The following DYSF variants were observed in gnomAD, a reference collection of about 807,000 sequenced individuals.
The protein encoded by DYSF is dystrophy-associated fer-1-like 1.
Under a neutral mutation model 274.9 loss-of-function variants are expected in DYSF, and 212 were observed. That is an observed-to-expected ratio of 0.77 (90% CI 0.69 to 0.86). The LOEUF is 0.86. Ranked by LOEUF, DYSF falls within the 40% of genes least tolerant of loss-of-function variation. The pLI is 0.00. For synonymous variants in DYSF, 1,091 were observed against 1,078.7 expected (o/e 1.01, Z -0.22); for missense variants, 2,666 against 2,783.2 (o/e 0.96, Z 0.95).
chr2:71,564,315 C>A (rs2091958724), intron 24 of DYSF, 102 bp downstream of exon 24: 2 of 1,515,466 alleles, frequency 1.3e-6, no homozygotes, highest in East Asian at 4.5e-5. Flanking sequence ...TATCTTAGTT[C>A]TTAGGCTGTG....
chr2:71,680,046 T>A (rs146923594), intron 53 of DYSF, among the ~76,000 whole-genome samples: 1 of 152,232 alleles, frequency 6.6e-6, no homozygotes, highest in African/African-American at 2.4e-5. Flanking sequence ...CATCTATACA[T>A]ATCTATGAGA....
chr2:71,516,155 G>A lies in DYSF; in HGVS notation c.889-25G>A, dbSNP rs377156563. ...CTGAGGGATCAGCAGGCACTGATATGTCTCTCTTTGCTCTGAACCAACAGA... is the reference window on the plus strand; with the variant it reads ...CTGAGGGATCAGCAGGCACTGATATATCTCTCTTTGCTCTGAACCAACAGA... On this transcript the variant is annotated intron_variant, in intron 8 of 55. Transcript: ENST00000410020. 1.9e-5 allele frequency: 31 copies of A among 1,613,618 alleles called. No individual in the cohort carries two copies. The African/African-American group carries it at 3.1e-4, about 16-fold the overall frequency.
At chr2:71,662,718 T>C (rs545472460) in intron 45 of DYSF, among the ~76,000 whole-genome samples, 14 of 150,062 alleles carry the variant, frequency 9.3e-5, no homozygotes, top group Non-Finnish European at 1.6e-4. Context: ...TGTATGTATG[T>C]GTGTGTATGT....
Position 71,615,758 on chromosome 2 carries a change from C to T in DYSF, c.4464+2348C>T, listed in dbSNP as rs1204569378. On this transcript the variant is annotated intron_variant, in intron 40 of 55. Coordinates refer to ENST00000410020, the MANE Select transcript of DYSF (RefSeq NM_001130987.2). This position sits in a 1 kb window ranked among gnomAD's most constrained non-coding sequence, Gnocchi z 4.9. ...TGGGCTTTCTTCCTCTCCCTCCTTCCCCAGTGCAGATAGCATGAAGGGCCC... is the reference window on the plus strand; with the variant it reads ...TGGGCTTTCTTCCTCTCCCTCCTTCTCCAGTGCAGATAGCATGAAGGGCCC... Among the ~76,000 whole-genome samples the T allele has an allele frequency of 6.6e-6, 1 of 152,182 alleles. No individual in the cohort carries two copies. The highest frequency in any genetic ancestry group is 1.5e-5 in the Non-Finnish European group (1 of 68,020).
intron 21 of DYSF, among the ~76,000 whole-genome samples, chr2:71,555,545 C>T (rs554639340): frequency 6.6e-6 from 1 of 152,086 alleles, no homozygotes; most frequent in Non-Finnish European, 1.5e-5. Flanking sequence ...GGAGGGCGCT[C>T]TTAGTCTGAG....
At chr2:71,524,827 T>C (rs2087679103) in intron 12 of DYSF, among the ~76,000 whole-genome samples, 1 of 152,202 alleles carries the variant, frequency 6.6e-6, no homozygotes, top group Non-Finnish European at 1.5e-5. Context: ...CACCTCAGTA[T>C]AGTTACAAGC....
rs773837400 is a variant in DYSF at position 71,511,865 on chromosome 2, C to T, written c.404C>T (p.Pro135Leu). The T allele has an allele frequency of 1.0e-5, 16 of 1,551,696 alleles. No individual in the cohort carries two copies. Among genetic ancestry groups the T allele is most frequent in the African/African-American group, 6.8e-5 (5 of 73,178 alleles). ...TPLPGAVPLF[P>L]PPTPLEPSPT... is the part of the protein sequence containing the mutation. Reference sequence around the variant, plus strand: ...CTGCCTGGAGCTGTGCCCCTGTTCCCGCCCCCTACTCCTCTGGAGCCCTCC... The same window carrying T: ...CTGCCTGGAGCTGTGCCCCTGTTCCTGCCCCCTACTCCTCTGGAGCCCTCC... The change falls in exon 5 of 56, where the codon CCG (proline) becomes CTG (leucine). Residue 135 changes from proline to leucine, a missense_variant. Pro to Leu is a moderately conservative substitution (Grantham distance 98). Around this residue, in one of 3 missense-constraint regions of DYSF, gnomAD observed 794 missense variants for 777.1 expected, o/e 1.02. Transcript: ENST00000410020.
chr2:71,488,447 C>T (rs2083534201), intron 3 of DYSF, among the ~76,000 whole-genome samples: 1 of 152,152 alleles, frequency 6.6e-6, no homozygotes, highest in Non-Finnish European at 1.5e-5. Context: ...ACCTTGACTG[C>T]AGTGATTCAC....
rs140484857 is a variant in DYSF, at chr2:71,585,773, G to A, written c.3403-3820G>A. Among the ~76,000 whole-genome samples the A allele has an allele frequency of 4.2e-3, 645 of 152,248 alleles. 5 individuals carry two copies. The highest frequency in any genetic ancestry group is 0.014 in the African/African-American group (586 of 41,548). On this transcript the variant is annotated intron_variant, in intron 30 of 55. Coordinates refer to ENST00000410020, the MANE Select transcript of DYSF (RefSeq NM_001130987.2). ...GTGCTCTGCTGGGTGATGGGTGCAC[G>A]CTGGGCACCTGGCTGGGCTCTCAGT...
At chr2:71,631,419 A>C (rs188029542) in intron 41 of DYSF, among the ~76,000 whole-genome samples, 1 of 152,264 alleles carries the variant, frequency 6.6e-6, no homozygotes, top group Non-Finnish European at 1.5e-5. Flanking sequence ...AAGTAACTGT[A>C]CTTCTTTAAA....
chr2:71,645,687 G>A (rs1284873095), intron 42 of DYSF, among the ~76,000 whole-genome samples: 5 of 151,964 alleles, frequency 3.3e-5, no homozygotes, highest in African/African-American at 7.2e-5. Flanking sequence ...CAGGGACACC[G>A]TCCTCCTCTA....
chr2:71,612,617 G>A, intron 38 of DYSF, 24 bp from the exon 39 acceptor site: 3 of 1,612,988 alleles, frequency 1.9e-6, no homozygotes, highest in Middle Eastern at 1.7e-4. Flanking sequence ...ATTCAGGCCA[G>A]TGCGTTCTTC....
At chr2:71,611,065 C>A in intron 36 of DYSF, 180 bp from the exon 37 acceptor site, 1 of 653,044 alleles carries the variant, frequency 1.5e-6, no homozygotes, top group Non-Finnish European at 2.8e-6. Flanking sequence ...GAAGATGATG[C>A]CTGGCCGAAA....
Position 71,575,941 on chromosome 2 carries a change from C to T in DYSF, c.3402+1570C>T, listed in dbSNP as rs138412442. On this transcript the variant is annotated intron_variant, in intron 30 of 55. Coordinates refer to ENST00000410020, the MANE Select transcript of DYSF (RefSeq NM_001130987.2). ...GTGGTAGCAAAGATGCTGCTGGTGACGAAAGGCCAACATCATCCCTCCAGC... is the reference window on the plus strand; with the variant it reads ...GTGGTAGCAAAGATGCTGCTGGTGATGAAAGGCCAACATCATCCCTCCAGC... Among the ~76,000 whole-genome samples, 388 of 152,310 alleles carry T rather than the reference C, an allele frequency of 2.5e-3. 5 individuals are homozygous for T. The highest frequency in any genetic ancestry group is 0.016 in the East Asian group (83 of 5,178).
intron 3 of DYSF, among the ~76,000 whole-genome samples, chr2:71,494,260 G>A (rs1417519031): frequency 1.3e-5 from 2 of 152,128 alleles, no homozygotes; most frequent in African/African-American, 4.8e-5. Context: ...GCTTGGATTA[G>A]GTTACTCATC....
chr2:71,534,922 C>A, intron 14 of DYSF, 99 bp from the exon 15 acceptor site: 2 of 1,322,716 alleles, frequency 1.5e-6, no homozygotes, highest in African/African-American at 1.4e-5. Context: ...TAAGGGCAGC[C>A]AGCATGGCAG....
intron 24 of DYSF, among the ~76,000 whole-genome samples, chr2:71,566,590 G>A (rs938812593): frequency 6.6e-6 from 1 of 151,976 alleles, no homozygotes; most frequent in African/African-American, 2.4e-5. Context: ...GCTATTTTGG[G>A]TCCAGCAGGC....
chr2:71,630,952 T>A (rs995101161), intron 41 of DYSF, among the ~76,000 whole-genome samples: 1 of 152,222 alleles, frequency 6.6e-6, no homozygotes, highest in Admixed American at 6.5e-5. Flanking sequence ...GAGGCATTCT[T>A]CCCTGTTGAG....
intron 2 of DYSF, 58 bp from the exon 3 acceptor site, chr2:71,481,819 GAC>G: frequency 6.9e-7 from 1 of 1,440,992 alleles, no homozygotes; most frequent in Non-Finnish European, 9.7e-7. Context: ...AGGTGAACCA[GAC>G]ACAGTCTCTT....
Sources: allele counts gnomAD v4.1 joint callset (sites outside exome capture counted in the v4.1 genomes callset), GRCh38; gene constraint gnomAD v4.1.1; regional missense constraint gnomAD v4.1.1; non-coding constraint Gnocchi (gnomAD v3.1); transcripts MANE v1.5; gene names NCBI Gene and HGNC (gene_info 2026-07-23, HGNC 2026-07-21).